BCAR3: variants seen among roughly 807,000 people sequenced by gnomAD.
The protein encoded by BCAR3 is BCAR3 adaptor protein, NSP family member.
In BCAR3, 37 loss-of-function variants were observed where a neutral mutation model predicts 80.1. The ratio of observed to expected loss-of-function variants is 0.46; its 90% CI spans 0.36 to 0.61. The LOEUF is 0.61. Ranked by LOEUF, BCAR3 falls within the 20% of genes least tolerant of loss-of-function variation. The pLI is 0.00. For synonymous variants in BCAR3, 389 were observed against 418.9 expected (o/e 0.93, Z 0.87); for missense variants, 978 against 1,068.2 (o/e 0.92, Z 1.18).
At chr1:93,566,936 CA>C (rs1191561377) in intron 11 of BCAR3, among the ~76,000 whole-genome samples, 1 of 152,146 alleles carries the variant, frequency 6.6e-6, no homozygotes, top group Non-Finnish European at 1.5e-5. Context: ...TCATGTTGGC[CA>C]AGCTGGTCTT....
At chr1:93,757,268 C>G (rs1651779633) in intron 2 of BCAR3, among the ~76,000 whole-genome samples, 1 of 152,180 alleles carries the variant, frequency 6.6e-6, no homozygotes, top group South Asian at 2.1e-4. Flanking sequence ...TGGGCCAGGC[C>G]TACCTGATGA....
At chr1:93,701,276 T>C (rs1304458369) in intron 3 of BCAR3, among the ~76,000 whole-genome samples, 1 of 152,192 alleles carries the variant, frequency 6.6e-6, no homozygotes, top group East Asian at 1.9e-4. Flanking sequence ...AGTTCTCCGC[T>C]GTCACTGGTT....
At chr1:93,808,428 C>T (rs1038563993) in intron 2 of BCAR3, among the ~76,000 whole-genome samples, 1 of 152,110 alleles carries the variant, frequency 6.6e-6, no homozygotes, top group Admixed American at 6.5e-5. Context: ...TGAATAAAGG[C>T]ATTTTCAGAT....
rs550065828 is a variant in BCAR3 at position 93,650,930 on chromosome 1, T to C, written c.318-8587A>G. On this transcript the variant is annotated intron_variant, in intron 2 of 11. Transcript: ENST00000260502. ...GATGCCAGTGGGATGTTAGGCTACA[T>C]TGACAGAAGATTAAAAACCATGAAT... Among the ~76,000 whole-genome samples, 15 of 152,274 alleles carry C rather than the reference T, an allele frequency of 9.9e-5. No homozygotes were observed. In the East Asian group the frequency reaches 1.9e-3, roughly 20 times the overall value.
intron 2 of BCAR3, among the ~76,000 whole-genome samples, chr1:93,658,059 GC>G (rs1459770757): frequency 1.3e-5 from 2 of 151,820 alleles, no homozygotes; most frequent in African/African-American, 4.8e-5. Flanking sequence ...TCCTGGCTCA[GC>G]CTCCCGAGTA....
chr1:93,723,961 T>A (rs1650494347), intron 2 of BCAR3, among the ~76,000 whole-genome samples: 1 of 152,188 alleles, frequency 6.6e-6, no homozygotes, highest in Admixed American at 6.5e-5. Context: ...GAGAAGCCAC[T>A]TGGCCACCTC....
At position 93,585,148 on chromosome 1, in the gene BCAR3, G is replaced by A. The variant is rs528706685; in HGVS notation, c.930-1027C>T. ...GCGGCTGGACTCCAGGGGCCAGAACGGCAGGGTGTGGAATGCAACCTGCCT... is the reference window on the plus strand; with the variant it reads ...GCGGCTGGACTCCAGGGGCCAGAACAGCAGGGTGTGGAATGCAACCTGCCT... On this transcript the variant is annotated intron_variant, in intron 5 of 11. Coordinates refer to ENST00000260502, the MANE Select transcript of BCAR3 (RefSeq NM_003567.4). 755 of 985,446 alleles carry A rather than the reference G, an allele frequency of 7.7e-4. 1 individual carries two copies. The highest frequency in any genetic ancestry group is 8.7e-4 in the Non-Finnish European group (719 of 829,948). 61.0% of individuals were successfully genotyped at this position (985,446 alleles called of 1,614,324 possible). A position where few individuals can be genotyped will look rare whatever the true frequency, so the allele number is the denominator to read the frequency against.
intron 5 of BCAR3, 94 bp from the exon 6 acceptor site, chr1:93,584,215 A>G: frequency 9.0e-7 from 1 of 1,107,824 alleles, no homozygotes; most frequent in Non-Finnish European, 1.3e-6. Flanking sequence ...AAAACAAAAA[A>G]AAAGAAAACT....
intron 3 of BCAR3, among the ~76,000 whole-genome samples, chr1:93,703,951 A>G (rs1649738836): frequency 6.6e-6 from 1 of 152,262 alleles, no homozygotes; most frequent in Non-Finnish European, 1.5e-5. Flanking sequence ...ATTTACATTT[A>G]AGTCTAAATG....
At chr1:93,589,518 G>A in intron 4 of BCAR3, 99 bp from the exon 5 acceptor site, 1 of 1,011,126 alleles carries the variant, frequency 9.9e-7, no homozygotes, top group Non-Finnish European at 1.4e-6. Context: ...AGAAGACAAT[G>A]CTACTATGTC....
chr1:93,606,050 A>G (rs1321558810), intron 3 of BCAR3, among the ~76,000 whole-genome samples: 1 of 152,238 alleles, frequency 6.6e-6, no homozygotes, highest in Non-Finnish European at 1.5e-5. Flanking sequence ...AGTACGCAGC[A>G]GGCTTGCAGT....
chr1:93,584,260 G>T, intron 5 of BCAR3, 139 bp from the exon 6 acceptor site: 1 of 694,050 alleles, frequency 1.4e-6, no homozygotes, highest in Non-Finnish European at 2.4e-6. Flanking sequence ...TACCCTAAAA[G>T]TAAAGGAATG....
chr1:93,757,723 T>A (rs1651794455), intron 2 of BCAR3, among the ~76,000 whole-genome samples: 1 of 152,138 alleles, frequency 6.6e-6, no homozygotes, highest in South Asian at 2.1e-4. Context: ...AGGCATTGCT[T>A]CTCCCACCAC....
rs144679477 is a variant in BCAR3, at chr1:93,676,277, T to G, written c.-11-1336A>C. Among the ~76,000 whole-genome samples, 1,191 of 152,248 alleles carry G rather than the reference T, an allele frequency of 7.8e-3. 17 individuals are homozygous for G. Among genetic ancestry groups the G allele is most frequent in the African/African-American group, 0.027 (1,134 of 41,526 alleles). ...AAGAATGCAACCCTCCACAAGCTGA[T>G]AGAAGTGGAGCCGAGACAATGACAT... On this transcript the variant is annotated intron_variant, in intron 1 of 11. Transcript: ENST00000260502.
At chr1:93,773,721 A>AC (rs1652439511) in intron 2 of BCAR3, among the ~76,000 whole-genome samples, 1 of 151,990 alleles carries the variant, frequency 6.6e-6, no homozygotes, top group Non-Finnish European at 1.5e-5. Flanking sequence ...CCTGACCAGG[A>AC]CCTCTTAGGT....
At chr1:93,606,267 A>G (rs1386312818) in intron 3 of BCAR3, among the ~76,000 whole-genome samples, 2 of 152,218 alleles carry the variant, frequency 1.3e-5, no homozygotes, top group Admixed American at 6.5e-5. Context: ...AGAACCAGAA[A>G]CTGGACTTAA....
At chr1:93,847,910 C>T (rs890346840), upstream of BCAR3, 5 of 243,906 alleles carry the variant, frequency 2.0e-5, no homozygotes, top group East Asian at 1.6e-4. Flanking sequence ...GCGGCGGCGG[C>T]GGCGGCGGCG....
At chr1:93,824,565 C>T (rs1654318423) in intron 2 of BCAR3, among the ~76,000 whole-genome samples, 1 of 133,010 alleles carries the variant, frequency 7.5e-6, no homozygotes, top group African/African-American at 2.5e-5. Context: ...CAGGGTCCGG[C>T]AGCTCTCCTT....
intron 8 of BCAR3, among the ~76,000 whole-genome samples, chr1:93,573,536 T>C (rs1385533480): frequency 6.6e-6 from 1 of 151,910 alleles, no homozygotes; most frequent in Admixed American, 6.6e-5. Flanking sequence ...TCTTTCCTCT[T>C]TTCTCCATTT....
Sources: gnomAD v4.1 joint callset for allele counts (sites outside exome capture counted in the v4.1 genomes callset) on GRCh38, gnomAD v4.1.1 for gene constraint, MANE v1.5 for transcripts, NCBI Gene and HGNC (gene_info 2026-07-23, HGNC 2026-07-21) for gene names.